LHX2: variants seen among roughly 807,000 people sequenced by gnomAD.
The protein encoded by LHX2 is LIM homeobox 2.
Under a neutral mutation model 33.0 loss-of-function variants are expected in LHX2, and 6 were observed. The observed-to-expected ratio is 0.18, with a 90% CI of 0.10 to 0.36. LHX2 has a LOEUF of 0.36. Ranked by LOEUF, LHX2 falls within the 10% of genes least tolerant of loss-of-function variation. The pLI, the probability that LHX2 is intolerant of heterozygous loss-of-function variation, is 1.00. For missense variants in LHX2, 442 were observed against 586.2 expected, an observed-to-expected ratio of 0.75 and a Z score of 2.54; for synonymous variants, 292 against 253.1, an observed-to-expected ratio of 1.15 and a Z score of -1.46.
intron 1 of LHX2, among the ~76,000 whole-genome samples, chr9:124,013,007 A>C (rs1419082550): frequency 6.6e-6 from 1 of 152,248 alleles, no homozygotes; most frequent in East Asian, 1.9e-4. Context: ...TTGACTGGTC[A>C]GACTTAGCCA....
At chr9:124,027,886 A>C (rs1247199179) in intron 4 of LHX2, among the ~76,000 whole-genome samples, 1 of 149,286 alleles carries the variant, frequency 6.7e-6, no homozygotes, top group East Asian at 2.0e-4. Flanking sequence ...ATGAAGGTAC[A>C]ATACCAGAAG....
rs769522371 is a variant in LHX2, at chr9:124,014,128, G to A, written c.288G>A (p.Lys96=). 1.2e-6 allele frequency: 2 copies of A among 1,613,482 alleles called. No homozygotes were observed. The highest frequency in any genetic ancestry group is 2.2e-5 in the East Asian group (1 of 44,880). ...NLESELTCFS[K]DGSIYCKEDY... ...AGTCGGAGCTCACCTGTTTCAGCAA[G>A]GACGGTAGCATCTACTGCAAGGAAG... Residue 96 remains lysine, a synonymous_variant, in exon 2 of 5, where the codon AAG becomes AAA. Coordinates refer to ENST00000373615, the MANE Select transcript of LHX2 (RefSeq NM_004789.4). This position sits in a 1 kb window ranked among gnomAD's most constrained non-coding sequence, Gnocchi z 4.8.
intron 3 of LHX2, among the ~76,000 whole-genome samples, chr9:124,019,454 C>T (rs1475570009): frequency 1.3e-5 from 2 of 151,928 alleles, no homozygotes; most frequent in South Asian, 2.1e-4. Context: ...TAAGTGTCCC[C>T]GGCAATATTT....
At chr9:124,024,262 A>G (rs1301460509) in intron 4 of LHX2, among the ~76,000 whole-genome samples, 1 of 152,278 alleles carries the variant, frequency 6.6e-6, no homozygotes, top group Non-Finnish European at 1.5e-5. Context: ...CCAGCCACGT[A>G]TCTACCTTAC....
rs560666792 is a variant in LHX2 at position 124,015,811 on chromosome 9, T to C, written c.727+286T>C. On this transcript the variant is annotated intron_variant, in intron 3 of 4. Transcript: ENST00000373615. This position sits in a 1 kb window ranked among gnomAD's most constrained non-coding sequence, Gnocchi z 7.9. ...TTTGGTTTGGGCCTTTGCCCCACTT[T>C]GCTAGGCAGGAAGTGGCAGGGATGG... Among the ~76,000 whole-genome samples the C allele has an allele frequency of 6.6e-6, 1 of 152,372 alleles. No individual in the cohort carries two copies. The highest frequency in any genetic ancestry group is 2.4e-5 in the African/African-American group (1 of 41,602).
intron 4 of LHX2, among the ~76,000 whole-genome samples, chr9:124,023,404 T>G (rs1828552704): frequency 6.6e-6 from 1 of 152,216 alleles, no homozygotes; most frequent in Non-Finnish European, 1.5e-5. Context: ...ACAGGCTTGC[T>G]CTATGGAGTG....
In LHX2 at chr9:124,012,176, G is replaced by T. The variant is rs1859100540; in HGVS notation, c.-173G>T. 1 of 464,072 alleles carries T rather than the reference G, an allele frequency of 2.2e-6. No individual in the cohort carries two copies. Among genetic ancestry groups the T allele is most frequent in the African/African-American group, 2.1e-5 (1 of 48,090 alleles). 28.7% of individuals were successfully genotyped at this position (464,072 alleles called of 1,614,324 possible). On this transcript the variant is annotated 5_prime_UTR_variant, in exon 1 of 5. Transcript: ENST00000373615. The surrounding 1 kb of genome is among the most constrained non-coding windows in gnomAD (Gnocchi z 4.3). ...GCCTCGGCGGGAGGCGTCCTGCCCC[G>T]CGAGCGCCCGGGGCCCGGAGCCCGG...
In LHX2 at chr9:124,030,549, C is replaced by T. The variant is rs187664785; in HGVS notation, c.934-1871C>T. 3.5e-4 allele frequency among the ~76,000 whole-genome samples: 53 copies of T among 151,548 alleles called. 1 individual carries two copies. The highest frequency in any genetic ancestry group is 3.4e-3 in the Middle Eastern group (1 of 292). On this transcript the variant is annotated intron_variant, in intron 4 of 4. Transcript: ENST00000373615. Reference sequence around the variant, plus strand: ...GTACTTCGTGGACCTCTGGGTACAGCGGGTCCCTGTGTTTGTGCTGTTAGA... The same window carrying T: ...GTACTTCGTGGACCTCTGGGTACAGTGGGTCCCTGTGTTTGTGCTGTTAGA...
In LHX2 at chr9:124,021,129, A is replaced by T. The variant is rs748107648; in HGVS notation, c.758A>T (p.His253Leu). The T allele has an allele frequency of 4.3e-5, 70 of 1,613,990 alleles. No individual in the cohort carries two copies. The highest frequency in any genetic ancestry group is 3.2e-4 in the South Asian group (29 of 91,082). Residue 253 changes from histidine to leucine, a missense_variant, in exon 4 of 5, where the codon CAC becomes CTC. Coordinates refer to ENST00000373615, the MANE Select transcript of LHX2 (RefSeq NM_004789.4). Reference protein sequence around the residue: ...ALSCNENDAEHLDRDQPYPSS... With the variant: ...ALSCNENDAELLDRDQPYPSS... The stretch of plus-strand genomic sequence containing the variant: ...AGCTGCAACGAAAACGACGCAGAGC[A>T]CCTGGACCGTGACCAGCCATACCCG...
intron 4 of LHX2, chr9:124,031,894 G>A (rs10760310): frequency 0.35 from 53,014 of 152,076 alleles, 10,670 homozygotes; most frequent in East Asian, 0.45. Context: ...GAGAAGCCCA[G>A]CCGTAGCCCA....
rs562652732 is a variant in LHX2, at chr9:124,013,913, C to A, written c.121-48C>A. The A allele has an allele frequency of 1.4e-5, 22 of 1,577,136 alleles. No individual in the cohort carries two copies. In the African/African-American group the frequency reaches 2.8e-4, roughly 20 times the overall value. Reference sequence around the variant, plus strand: ...GCCGGTTTCCCGGCGGCGGAGGGGCCGCTGGCTGACGCAGGCGCTGCTGTC... The same window carrying A: ...GCCGGTTTCCCGGCGGCGGAGGGGCAGCTGGCTGACGCAGGCGCTGCTGTC... On this transcript the variant is annotated intron_variant, in intron 1 of 4. Transcript: ENST00000373615.
rs566973934 is a variant in LHX2, at chr9:124,014,731, C to T, written c.324-391C>T. ...TGTCTCTGTCTCTACGTCTGTGTCT[C>T]TCTCTCTTTCCCTGTCTCTGTGTTT... On this transcript the variant is annotated intron_variant, in intron 2 of 4. Transcript: ENST00000373615. This position sits in a 1 kb window ranked among gnomAD's most constrained non-coding sequence, Gnocchi z 4.8. 3.3e-5 allele frequency among the ~76,000 whole-genome samples: 5 copies of T among 152,326 alleles called. No individual in the cohort carries two copies. The highest frequency in any genetic ancestry group is 5.9e-5 in the Non-Finnish European group (4 of 68,034).
At chr9:124,017,604 C>T (rs1367855176) in intron 3 of LHX2, among the ~76,000 whole-genome samples, 2 of 152,146 alleles carry the variant, frequency 1.3e-5, no homozygotes, top group Admixed American at 1.3e-4. Flanking sequence ...CACGGGGACA[C>T]GAGCTTGTTT....
At chr9:124,025,160 C>T (rs748800968) in intron 4 of LHX2, among the ~76,000 whole-genome samples, 15 of 152,276 alleles carry the variant, frequency 9.9e-5, no homozygotes, top group Middle Eastern at 3.4e-3. Flanking sequence ...AAGCCTTGGC[C>T]GGGCACTGTG....
In LHX2 at chr9:124,021,163, G is replaced by A; in HGVS notation, c.792G>A (p.Gln264=). The change falls in exon 4 of 5, where the codon CAG becomes CAA. Residue 264 remains glutamine (Q), a synonymous_variant. Transcript: ENST00000373615. Reference sequence around the variant, plus strand: ...GTGACCAGCCATACCCGAGCAGCCAGAAGACCAAGCGCATGCGCACGTCCT... The same window carrying A: ...GTGACCAGCCATACCCGAGCAGCCAAAAGACCAAGCGCATGCGCACGTCCT... ...LDRDQPYPSS[Q]KTKRMRTSFK... 5 of 1,614,246 alleles carry A rather than the reference G, an allele frequency of 3.1e-6. No individual in the cohort carries two copies. The highest frequency in any genetic ancestry group is 4.2e-6 in the Non-Finnish European group (5 of 1,180,042).
chr9:124,018,381 G>C (rs1229140359), intron 3 of LHX2, among the ~76,000 whole-genome samples: 1 of 151,898 alleles, frequency 6.6e-6, no homozygotes, highest in African/African-American at 2.4e-5. Flanking sequence ...CGGGCACTGG[G>C]GGCGGGAGTG....
At chr9:124,017,533 G>A (rs929569357) in intron 3 of LHX2, among the ~76,000 whole-genome samples, 2 of 152,200 alleles carry the variant, frequency 1.3e-5, no homozygotes, top group Non-Finnish European at 2.9e-5. Context: ...ACCCTGGAGG[G>A]TGCGATCGCG....
At chr9:124,025,366 G>C (rs1045507473) in intron 4 of LHX2, among the ~76,000 whole-genome samples, 1 of 151,062 alleles carries the variant, frequency 6.6e-6, no homozygotes, top group African/African-American at 2.4e-5. Context: ...GCGTGAACCC[G>C]GGAGGCGGAG....
In LHX2 at chr9:124,013,975, C is replaced by A; in HGVS notation, c.135C>A (p.Ile45=). ...RGDTETTMPS[I]SSDRAALCAG... Reference sequence around the variant, plus strand: ...TCCCTTCGCAGACCATGCCGTCCATCAGCAGTGACCGCGCCGCGCTGTGCG... The same window carrying A: ...TCCCTTCGCAGACCATGCCGTCCATAAGCAGTGACCGCGCCGCGCTGTGCG... Residue 45 remains isoleucine, a synonymous_variant, in exon 2 of 5, where the codon ATC becomes ATA. Coordinates refer to ENST00000373615, the MANE Select transcript of LHX2 (RefSeq NM_004789.4). 1 of 1,612,918 alleles carries A rather than the reference C, an allele frequency of 6.2e-7. No individual in the cohort carries two copies. The highest frequency in any genetic ancestry group is 1.1e-5 in the South Asian group (1 of 91,052).
Sources: allele counts gnomAD v4.1 joint callset (sites outside exome capture counted in the v4.1 genomes callset), GRCh38; gene constraint gnomAD v4.1.1; non-coding constraint Gnocchi (gnomAD v3.1); transcripts MANE v1.5; gene names NCBI Gene and HGNC (gene_info 2026-07-23, HGNC 2026-07-21).